Variants in LY96 observed in about 807,000 individuals in gnomAD.
LY96 encodes the protein lymphocyte antigen 96.
A neutral mutation model predicts 18.9 loss-of-function variants in LY96; 18 were observed. The observed-to-expected ratio is 0.95, with a 90% confidence interval of 0.66 to 1.41. The LOEUF (loss-of-function observed/expected upper bound fraction) is 1.41, where lower values mean the gene tolerates loss of function less well. Among genes scored for constraint, LY96 ranks in the 40% most tolerant of loss-of-function variants. LY96 has a pLI of 0.00. For synonymous variants in LY96, 66 were observed against 62.6 expected, an observed-to-expected ratio of 1.06 and a Z score of -0.26; for missense variants, 175 against 182.4, an observed-to-expected ratio of 0.96 and a Z score of 0.23.
chr8:74,029,217 C>T, downstream of LY96: 1 of 574,352 alleles, frequency 1.7e-6, no homozygotes, highest in Non-Finnish European at 3.1e-6. Flanking sequence ...AGGCATGGTG[C>T]ATCATGCAGA....
At chr8:73,996,376 T>TTCCTTC (rs1563707881) in intron 1 of LY96, among the ~76,000 whole-genome samples, 183 of 17,938 alleles carry the variant, frequency 0.01, 1 homozygote, top group South Asian at 0.02. Flanking sequence ...TTCATTCCTT[T>TTCCTTC]CTTTCTTTCT....
the LY96 span, among the ~76,000 whole-genome samples, chr8:74,050,937 C>T: frequency 6.6e-6 from 1 of 152,110 alleles, no homozygotes; most frequent in Non-Finnish European, 1.5e-5. Flanking sequence ...GCAGGAGAAT[C>T]GCTTGAACCC....
chr8:74,050,680 C>T, the LY96 span, among the ~76,000 whole-genome samples: 1 of 152,012 alleles, frequency 6.6e-6, no homozygotes, highest in African/African-American at 2.4e-5. Context: ...TTACCATCAC[C>T]AAAACATAAT....
At chr8:74,042,869 C>A in the LY96 span, among the ~76,000 whole-genome samples, 8 of 151,868 alleles carry the variant, frequency 5.3e-5, no homozygotes, top group African/African-American at 1.9e-4. Context: ...CTCCACTTCC[C>A]GTGTTCAAGA....
chr8:74,022,277 C>T (rs997701712), intron 3 of LY96, among the ~76,000 whole-genome samples: 1 of 151,782 alleles, frequency 6.6e-6, no homozygotes, highest in African/African-American at 2.4e-5. Flanking sequence ...TGTGGTAGCA[C>T]ATGTTTGTAA....
At chr8:74,093,302 G>A in the LY96 span, among the ~76,000 whole-genome samples, 1 of 152,184 alleles carries the variant, frequency 6.6e-6, no homozygotes, top group Non-Finnish European at 1.5e-5. Context: ...TTTTCTACAT[G>A]CATGATGATC....
At chr8:74,021,166 A>C (rs1816750300) in intron 3 of LY96, among the ~76,000 whole-genome samples, 1 of 152,226 alleles carries the variant, frequency 6.6e-6, no homozygotes, top group South Asian at 2.1e-4. Context: ...TTTACAATCT[A>C]CCCGTCTGAC....
At chr8:73,997,997 C>T (rs532724995) in intron 1 of LY96, among the ~76,000 whole-genome samples, 35 of 152,220 alleles carry the variant, frequency 2.3e-4, no homozygotes, top group Admixed American at 2.0e-4. Flanking sequence ...TAGGCATAAT[C>T]GAATGTTAAC....
intron 1 of LY96, among the ~76,000 whole-genome samples, chr8:74,003,881 T>C (rs576268736): frequency 1.3e-5 from 2 of 152,326 alleles, no homozygotes; most frequent in South Asian, 2.1e-4. Context: ...CACTTCACTA[T>C]TAGCCTGGTT....
chr8:73,996,880 G>A (rs1227666191), intron 1 of LY96, among the ~76,000 whole-genome samples: 1 of 150,236 alleles, frequency 6.7e-6, no homozygotes, highest in African/African-American at 2.5e-5. Context: ...GAGTAGCAGG[G>A]ATTACAGGCC....
chr8:74,044,935 T>C, the LY96 span, among the ~76,000 whole-genome samples: 9 of 152,358 alleles, frequency 5.9e-5, no homozygotes, highest in African/African-American at 1.9e-4. Context: ...AGGTTTGGGT[T>C]CATCTCTGAT....
At chr8:74,029,080 T>A (rs747532704), downstream of LY96, 21 of 1,360,878 alleles carry the variant, frequency 1.5e-5, no homozygotes, top group African/African-American at 2.0e-4. Context: ...TAAAAAAAAA[T>A]TTAAAGGTAT....
At chr8:74,001,688 CA>C (rs548591196) in intron 1 of LY96, among the ~76,000 whole-genome samples, 26 of 143,868 alleles carry the variant, frequency 1.8e-4, no homozygotes, top group East Asian at 4.0e-4. Context: ...CTCATCTCTA[CA>C]AAAAAAAAAA....
At chr8:74,020,438 G>A (rs1014897272) in intron 3 of LY96, among the ~76,000 whole-genome samples, 1 of 152,144 alleles carries the variant, frequency 6.6e-6, no homozygotes, top group African/African-American at 2.4e-5. Context: ...ACAAATGGAA[G>A]AACATTCCAT....
the LY96 span, among the ~76,000 whole-genome samples, chr8:74,085,681 A>G: frequency 6.6e-6 from 1 of 152,130 alleles, no homozygotes; most frequent in African/African-American, 2.4e-5. Context: ...TTTCTATTTC[A>G]GAGATTTGCA....
chr8:74,033,913 T>TA (rs1817009153), downstream of LY96, among the ~76,000 whole-genome samples: 1 of 151,772 alleles, frequency 6.6e-6, no homozygotes, highest in Non-Finnish European at 1.5e-5. Flanking sequence ...TTTTTTTTTT[T>TA]AAACCAGGGC....
the LY96 span, among the ~76,000 whole-genome samples, chr8:74,041,516 G>C: frequency 6.6e-6 from 1 of 152,198 alleles, no homozygotes; most frequent in East Asian, 1.9e-4. Flanking sequence ...GGACGTGCAA[G>C]TAGGGAAGAT....
intron 3 of LY96, 101 bp from the exon 4 acceptor site, chr8:74,026,688 G>T (rs1230177088): frequency 2.8e-6 from 2 of 708,510 alleles, no homozygotes; most frequent in South Asian, 3.0e-5. Flanking sequence ...TTTTGCTTGG[G>T]ACTGCGTCTG....
At chr8:74,029,214 G>A (rs993477037), downstream of LY96, 4 of 581,584 alleles carry the variant, frequency 6.9e-6, no homozygotes, top group South Asian at 4.3e-5. Flanking sequence ...CGGAGGCATG[G>A]TGCATCATGC....
Sources: allele counts gnomAD v4.1 joint callset (sites outside exome capture counted in the v4.1 genomes callset), GRCh38; gene constraint gnomAD v4.1.1; transcripts MANE v1.5; gene names NCBI Gene and HGNC (gene_info 2026-07-23, HGNC 2026-07-21).